The following KLHL7 variants were observed in gnomAD, a reference collection of about 807,000 sequenced individuals.
The protein encoded by KLHL7 is kelch-like protein 7.
Under a neutral mutation model 67.4 loss-of-function variants are expected in KLHL7, and 44 were observed. That is an observed-to-expected ratio of 0.65 (90% CI 0.51 to 0.84). The LOEUF (loss-of-function observed/expected upper bound fraction) is 0.84, where lower values mean the gene tolerates loss of function less well. KLHL7 is among the 40% of genes least tolerant of loss of function. The pLI is 0.00. For missense variants in KLHL7, 362 were observed against 718.1 expected, an observed-to-expected ratio of 0.50 and a Z score of 5.67; for synonymous variants, 252 against 243.3, an observed-to-expected ratio of 1.04 and a Z score of -0.33.
At chr7:23,106,411 G>C (rs2128454786) in intron 1 of KLHL7, 2 of 1,310,870 alleles carry the variant, frequency 1.5e-6, no homozygotes, top group Non-Finnish European at 2.0e-6. Context: ...TTTCGCCGTC[G>C]GGTATCGGTT....
intron 2 of KLHL7, 133 bp from the exon 3 acceptor site, chr7:23,124,555 G>C: frequency 2.8e-6 from 2 of 708,098 alleles, no homozygotes; most frequent in Non-Finnish European, 5.2e-6. Flanking sequence ...TGTTGGGCTT[G>C]CTGGGGCATT....
chr7:23,113,730 G>A (rs1326691726), intron 1 of KLHL7, among the ~76,000 whole-genome samples: 3 of 152,162 alleles, frequency 2.0e-5, no homozygotes, highest in African/African-American at 7.2e-5. Flanking sequence ...GGGGGCTGAG[G>A]CATGAGAATC....
Position 23,106,465 on chromosome 7 carries a change from C to A in KLHL7, c.120+319C>A, listed in dbSNP as rs371479435. The A allele has an allele frequency of 1.3e-5, 16 of 1,210,174 alleles. No individual in the cohort carries two copies. In the South Asian group the frequency reaches 2.1e-4, roughly 16 times the overall value. 75.0% of individuals were successfully genotyped at this position (1,210,174 alleles called of 1,614,324 possible). A position where few individuals can be genotyped will look rare whatever the true frequency, so the allele number is the denominator to read the frequency against. On this transcript the variant is annotated intron_variant, in intron 1 of 10. Transcript: ENST00000339077. ...AGTTATCTCTTTGTGGGGCGAGGATCCTTCCATTGGCGAGCCGTTTTAAGG... is the reference window on the plus strand; with the variant it reads ...AGTTATCTCTTTGTGGGGCGAGGATACTTCCATTGGCGAGCCGTTTTAAGG...
At chr7:23,151,915 C>T (rs1784548370) in intron 6 of KLHL7, 152 bp from the exon 7 acceptor site, 1 of 727,660 alleles carries the variant, frequency 1.4e-6, no homozygotes, top group East Asian at 2.7e-5. Context: ...TGCATTTCTC[C>T]TGCCTCTTCC....
In KLHL7 at chr7:23,164,881, A is replaced by C. The variant is rs146756835; in HGVS notation, c.937-817A>C. On this transcript the variant is annotated intron_variant, in intron 7 of 10. Coordinates refer to ENST00000339077, the MANE Select transcript of KLHL7 (RefSeq NM_001031710.3). ...TGGTATGAATTCCTATCTGACCCTG[A>C]TTATTTTCAGAAAATAGCAGGAACG... is the stretch of plus-strand genomic sequence containing the variant. Among the ~76,000 whole-genome samples, 945 of 152,328 alleles carry C rather than the reference A, an allele frequency of 6.2e-3. 6 individuals carry two copies. Among genetic ancestry groups the C allele is most frequent in the Non-Finnish European group, 9.7e-3 (660 of 68,016 alleles).
chr7:23,168,052 A>G lies in KLHL7; in HGVS notation c.1379+15A>G, dbSNP rs1785054614. 9.9e-6 allele frequency: 16 copies of G among 1,608,254 alleles called. No homozygotes were observed. The highest frequency in any genetic ancestry group is 1.4e-5 in the Non-Finnish European group (16 of 1,174,638). The stretch of plus-strand genomic sequence containing the variant: ...GCCACAGAAACGTATGTATCTATTT[A>G]AAATTTATTTTACAGTTAACTGTAT... On this transcript the variant is annotated intron_variant, in intron 9 of 10. Transcript: ENST00000339077.
intron 7 of KLHL7, among the ~76,000 whole-genome samples, chr7:23,164,818 A>G (rs767192363): frequency 2.0e-5 from 3 of 152,370 alleles, no homozygotes; most frequent in Admixed American, 1.3e-4. Flanking sequence ...AGGAAACTCA[A>G]TAATCACACA....
chr7:23,144,953 C>T (rs2128465277), intron 6 of KLHL7, among the ~76,000 whole-genome samples: 1 of 149,390 alleles, frequency 6.7e-6, no homozygotes, highest in East Asian at 1.9e-4. Flanking sequence ...AAAAACCTAG[C>T]CGGGCGTGGA....
At chr7:23,115,687 G>A (rs1163249010) in intron 1 of KLHL7, among the ~76,000 whole-genome samples, 1 of 151,922 alleles carries the variant, frequency 6.6e-6, no homozygotes, top group Non-Finnish European at 1.5e-5. Flanking sequence ...GGGATTACCG[G>A]GCGTCCACCA....
chr7:23,130,147 G>A (rs1416780214), intron 4 of KLHL7, among the ~76,000 whole-genome samples: 4 of 152,096 alleles, frequency 2.6e-5, no homozygotes. Flanking sequence ...ATCCGTTAGA[G>A]CAAAATTAAA....
At position 23,106,022 on chromosome 7, in the gene KLHL7, G is replaced by A; in HGVS notation, c.-5G>A. The A allele has an allele frequency of 6.2e-7, 1 of 1,609,882 alleles. No homozygotes were observed. Among genetic ancestry groups the A allele is most frequent in the Non-Finnish European group, 8.5e-7 (1 of 1,178,850 alleles). On this transcript the variant is annotated 5_prime_UTR_variant, in exon 1 of 11. Coordinates refer to ENST00000339077, the MANE Select transcript of KLHL7 (RefSeq NM_001031710.3). ...AGCCCCGGGCGTGAACCGAGCTGAG[G>A]GAGGATGGCAGCCTCTGGGGTGGAG...
At chr7:23,138,760 A>G (rs1349000693) in intron 4 of KLHL7, among the ~76,000 whole-genome samples, 1 of 151,612 alleles carries the variant, frequency 6.6e-6, no homozygotes, top group Non-Finnish European at 1.5e-5. Flanking sequence ...CTGGTCTCAA[A>G]CTCCTGACCT....
intron 9 of KLHL7, among the ~76,000 whole-genome samples, chr7:23,168,537 A>G (rs1785066785): frequency 6.6e-6 from 1 of 152,224 alleles, no homozygotes; most frequent in South Asian, 2.1e-4. Flanking sequence ...TAAAAAGGCA[A>G]AGTGTGTCAA....
At chr7:23,141,020 A>C in intron 5 of KLHL7, 76 bp downstream of exon 5, 1 of 1,188,454 alleles carries the variant, frequency 8.4e-7, no homozygotes, top group Non-Finnish European at 1.3e-6. Flanking sequence ...GTTTGGACAC[A>C]TGACAAGGGA....
chr7:23,138,508 T>C (rs1237004773), intron 4 of KLHL7, among the ~76,000 whole-genome samples: 2 of 135,708 alleles, frequency 1.5e-5, no homozygotes, highest in African/African-American at 5.5e-5. Context: ...CTGAAGCCAG[T>C]AACCTCAGAA....
Position 23,167,786 on chromosome 7 carries a change from AC to A in KLHL7, c.1178-45del, listed in dbSNP as rs1562592315. 2.6e-6 allele frequency: 4 copies of A among 1,546,922 alleles called. No homozygotes were observed. The South Asian group carries it at 3.4e-5, about 13-fold the overall frequency. On this transcript the variant is annotated intron_variant, in intron 8 of 10. Coordinates refer to ENST00000339077, the MANE Select transcript of KLHL7 (RefSeq NM_001031710.3). ...AAGATCTACAGTCAGTTCTTTCCAA[AC>A]CCCCGCACACACTAAAGTTAAGCAT...
rs1785254749 is a variant in KLHL7, at chr7:23,174,668, C to CCG, written c.*370_*371insCG. ...TCTATTTTCATGCATCACAGAAGTG[C>CCG]TATACGGTTAGGTCTGTTTGTGCTC... On this transcript the variant is annotated 3_prime_UTR_variant, in exon 11 of 11. Coordinates refer to ENST00000339077, the MANE Select transcript of KLHL7 (RefSeq NM_001031710.3). The CCG allele has an allele frequency of 2.2e-6, 1 of 461,208 alleles. No homozygotes were observed. The highest frequency in any genetic ancestry group is 2.3e-5 in the Admixed American group (1 of 42,762). 28.6% of individuals were successfully genotyped at this position (461,208 alleles called of 1,614,324 possible). A position where few individuals can be genotyped will look rare whatever the true frequency, so the allele number is the denominator to read the frequency against.
chr7:23,156,270 G>A, intron 7 of KLHL7: 1 of 197,884 alleles, frequency 5.1e-6, no homozygotes, highest in Non-Finnish European at 1.1e-5. Context: ...TCTGAATATT[G>A]ACAGAAAAAG....
At chr7:23,145,696 T>C (rs1784334036) in intron 6 of KLHL7, among the ~76,000 whole-genome samples, 1 of 152,210 alleles carries the variant, frequency 6.6e-6, no homozygotes, top group African/African-American at 2.4e-5. Context: ...TGAAGTAATA[T>C]TTTGCTATGC....
Sources: allele counts gnomAD v4.1 joint callset (sites outside exome capture counted in the v4.1 genomes callset), GRCh38; gene constraint gnomAD v4.1.1; transcripts MANE v1.5; gene names NCBI Gene and HGNC (gene_info 2026-07-23, HGNC 2026-07-21).